Variants in SLC7A14 observed in about 807,000 individuals in gnomAD.
SLC7A14 encodes the protein solute carrier family 7 member 14, also known as gamma-aminobutyric acid transporter SLC7A14.
SLC7A14 carries 37 observed loss-of-function variants against 60.2 expected under a neutral mutation model. That is an observed-to-expected ratio of 0.61 (90% CI 0.47 to 0.81). SLC7A14 has a LOEUF of 0.81. Among genes scored for constraint, SLC7A14 ranks in the 30% least tolerant of loss-of-function variants. The probability of loss-of-function intolerance (pLI) is 0.00; values close to 1 mark genes in which losing one functional copy is unlikely to be tolerated. For synonymous variants in SLC7A14, 399 were observed against 395.8 expected (o/e 1.01, Z -0.10); for missense variants, 886 against 982.7 (o/e 0.90, Z 1.32).
At chr3:170,582,415 G>A (rs1404600916) in intron 1 of SLC7A14, among the ~76,000 whole-genome samples, 1 of 151,860 alleles carries the variant, frequency 6.6e-6, no homozygotes, top group Non-Finnish European at 1.5e-5. Context: ...TGTGACTGGG[G>A]GGCTAAATTT....
At chr3:170,498,603 G>A in intron 4 of SLC7A14, 64 bp downstream of exon 4, 1 of 1,457,288 alleles carries the variant, frequency 6.9e-7, no homozygotes, top group Non-Finnish European at 9.6e-7. Flanking sequence ...ATATGTCTTA[G>A]GTTGGTCACA....
intron 7 of SLC7A14, among the ~76,000 whole-genome samples, chr3:170,475,869 C>G (rs542405200): frequency 6.6e-6 from 1 of 152,144 alleles, no homozygotes; most frequent in African/African-American, 2.4e-5. Flanking sequence ...CCCGCCACCA[C>G]GCCTGGCTAA....
intron 2 of SLC7A14, among the ~76,000 whole-genome samples, chr3:170,519,922 G>A (rs563347721): frequency 1.1e-4 from 17 of 152,292 alleles, no homozygotes; most frequent in South Asian, 2.1e-4. Context: ...ATCTTGCAAT[G>A]GAAGCCAAAT....
rs1211425395 is a variant in SLC7A14 at position 170,465,035 on chromosome 3, A to G, written c.*2020T>C. The G allele has an allele frequency of 6.6e-6, 1 of 152,260 alleles. No individual in the cohort carries two copies. Among genetic ancestry groups the G allele is most frequent in the Non-Finnish European group, 1.5e-5 (1 of 68,044 alleles). 9.4% of individuals were successfully genotyped at this position (152,260 alleles called of 1,614,324 possible). A position where few individuals can be genotyped will look rare whatever the true frequency, so the allele number is the denominator to read the frequency against. ...ATTAATTCCTAATGCTGTATTTCAC[A>G]GAGTAGGCACTGTATCTTTATGGTT... On this transcript the variant is annotated 3_prime_UTR_variant, in exon 8 of 8. Transcript: ENST00000231706.
intron 1 of SLC7A14, among the ~76,000 whole-genome samples, chr3:170,576,125 G>A (rs1450649985): frequency 6.6e-6 from 1 of 152,140 alleles, no homozygotes; most frequent in Non-Finnish European, 1.5e-5. Flanking sequence ...TTTCCTCTGT[G>A]GAAGTGAATT....
chr3:170,481,736 G>T (rs1171833325), intron 6 of SLC7A14, among the ~76,000 whole-genome samples: 1 of 152,136 alleles, frequency 6.6e-6, no homozygotes, highest in East Asian at 1.9e-4. Context: ...CTTTAGTAAA[G>T]TTCCTAATCA....
intron 1 of SLC7A14, among the ~76,000 whole-genome samples, chr3:170,539,649 G>C (rs369209523): frequency 6.6e-6 from 1 of 151,928 alleles, no homozygotes; most frequent in African/African-American, 2.4e-5. Context: ...TCTAATTATA[G>C]ATAAATTATC....
intron 1 of SLC7A14, among the ~76,000 whole-genome samples, chr3:170,553,977 A>G (rs780867655): frequency 1.6e-4 from 24 of 152,076 alleles, no homozygotes; most frequent in Non-Finnish European, 2.8e-4. Flanking sequence ...ACCCATTACC[A>G]TGAATTCCAC....
chr3:170,555,697 G>A (rs1434250237), intron 1 of SLC7A14, among the ~76,000 whole-genome samples: 1 of 152,098 alleles, frequency 6.6e-6, no homozygotes, highest in Non-Finnish European at 1.5e-5. Flanking sequence ...AGAGTGGTAA[G>A]GATTTGTGTA....
intron 1 of SLC7A14, among the ~76,000 whole-genome samples, chr3:170,577,082 C>G (rs1433637179): frequency 4.6e-5 from 7 of 152,156 alleles, no homozygotes; most frequent in African/African-American, 1.7e-4. Context: ...GATGGAAAAC[C>G]CATCTCTTTC....
chr3:170,492,157 T>C (rs1424003555), intron 4 of SLC7A14, among the ~76,000 whole-genome samples: 1 of 152,160 alleles, frequency 6.6e-6, no homozygotes, highest in African/African-American at 2.4e-5. Context: ...ACCACTGGTG[T>C]TTATAATTAG....
chr3:170,583,475 T>C (rs929652005), intron 1 of SLC7A14, among the ~76,000 whole-genome samples: 6 of 152,224 alleles, frequency 3.9e-5, no homozygotes, highest in Admixed American at 3.9e-4. Flanking sequence ...GAAAGCAGTA[T>C]GGAAGAGTAT....
chr3:170,577,715 A>G (rs1157438325), intron 1 of SLC7A14, among the ~76,000 whole-genome samples: 1 of 151,830 alleles, frequency 6.6e-6, no homozygotes, highest in Non-Finnish European at 1.5e-5. Flanking sequence ...TGGGATATGT[A>G]GCTAGTTTAA....
intron 4 of SLC7A14, chr3:170,495,511 T>G (rs1237038029): frequency 6.6e-6 from 5 of 759,454 alleles, no homozygotes; most frequent in Non-Finnish European, 8.8e-6. Context: ...AGCAGCCGCT[T>G]TTACACGAAT....
rs1305025259 is a variant in SLC7A14 at position 170,462,446 on chromosome 3, A to G, written c.*4609T>C. The G allele has an allele frequency of 6.6e-6, 1 of 152,166 alleles. No homozygotes were observed. Among genetic ancestry groups the G allele is most frequent in the Non-Finnish European group, 1.5e-5 (1 of 68,032 alleles). The allele number at this position is 152,166 out of a possible 1,614,324, so 9.4% of individuals were successfully genotyped here. A position where few individuals can be genotyped will look rare whatever the true frequency, so the allele number is the denominator to read the frequency against. ...TGTTTTGTTTTTCAATAATTACTAG[A>G]TTTATATTCTGGCTGACCTATAGAT... On this transcript the variant is annotated 3_prime_UTR_variant, in exon 8 of 8. Coordinates refer to ENST00000231706, the MANE Select transcript of SLC7A14 (RefSeq NM_020949.3).
chr3:170,485,977 C>T (rs1047359093), intron 5 of SLC7A14, among the ~76,000 whole-genome samples: 3 of 152,230 alleles, frequency 2.0e-5, no homozygotes, highest in African/African-American at 7.2e-5. Flanking sequence ...GCAGCAGACA[C>T]CAAGAGCTTG....
At chr3:170,491,237 C>T (rs1712208660) in intron 4 of SLC7A14, among the ~76,000 whole-genome samples, 1 of 152,150 alleles carries the variant, frequency 6.6e-6, no homozygotes, top group South Asian at 2.1e-4. Context: ...TGCTACTTTC[C>T]TCTAAATGAA....
rs775741683 is a variant in SLC7A14, at chr3:170,486,173, G to A, written c.906+49C>T. On this transcript the variant is annotated intron_variant, in intron 5 of 7. Transcript: ENST00000231706. ...CCTTCCTGACAGAGAAGGGAGCTCA[G>A]TGCCAGGGCCACATCGTGAGGAGGG... The A allele has an allele frequency of 3.1e-6, 5 of 1,605,544 alleles. No homozygotes were observed. In the South Asian group the frequency reaches 5.6e-5, roughly 18 times the overall value.
rs529030461 is a variant in SLC7A14, at chr3:170,562,842, TAGAG to T, written c.-153+23065_-153+23068del. On this transcript the variant is annotated intron_variant, in intron 1 of 7. Transcript: ENST00000231706. ...CACGATCTCAACTCACTGTGACCTC[TAGAG>T]GCCTCCTGGGTTTAAGCGAGTCTCA... Among the ~76,000 whole-genome samples, 346 of 152,126 alleles carry T rather than the reference TAGAG, an allele frequency of 2.3e-3. 1 individual carries two copies. Among genetic ancestry groups the T allele is most frequent in the African/African-American group, 7.9e-3 (329 of 41,514 alleles).
Sources: gnomAD v4.1 joint callset for allele counts (sites outside exome capture counted in the v4.1 genomes callset) on GRCh38, gnomAD v4.1.1 for gene constraint, MANE v1.5 for transcripts, NCBI Gene and HGNC (gene_info 2026-07-23, HGNC 2026-07-21) for gene names.